The following DPP10 variants were observed in gnomAD, a reference collection of about 807,000 sequenced individuals.
The protein encoded by DPP10 is inactive dipeptidyl peptidase 10.
DPP10 carries 33 observed loss-of-function variants against 120.9 expected under a neutral mutation model. That is an observed-to-expected ratio of 0.27 (90% CI 0.21 to 0.37). The LOEUF is 0.37. Among genes scored for constraint, DPP10 ranks in the 10% least tolerant of loss-of-function variants. The probability of loss-of-function intolerance (pLI) is 1.00; values close to 1 mark genes in which losing one functional copy is unlikely to be tolerated. For synonymous variants in DPP10, 337 were observed against 326.1 expected (o/e 1.03, Z -0.36); for missense variants, 816 against 942.8 (o/e 0.87, Z 1.76).
At chr2:114,724,042 G>A (rs1352165799) in intron 1 of DPP10, among the ~76,000 whole-genome samples, 1 of 152,158 alleles carries the variant, frequency 6.6e-6, no homozygotes. Flanking sequence ...TTTTTAAATG[G>A]GTTGATGGAT....
intron 1 of DPP10, among the ~76,000 whole-genome samples, chr2:114,792,990 T>TTGTGTGTGTGTGTGTGTGTG (rs55780807): frequency 2.1e-5 from 3 of 143,642 alleles, no homozygotes; most frequent in African/African-American, 7.9e-5. Context: ...AACTGTATTA[T>TTGTGTGTGTGTGTGTGTGTG]TGTGTGTGTG....
At chr2:115,561,510 A>G (rs2080673291) in intron 5 of DPP10, among the ~76,000 whole-genome samples, 1 of 152,294 alleles carries the variant, frequency 6.6e-6, no homozygotes, top group African/African-American at 2.4e-5. Context: ...GAAAACATAC[A>G]AAATTAAATG....
chr2:114,889,373 A>C (rs1275461366), intron 1 of DPP10, among the ~76,000 whole-genome samples: 1 of 152,068 alleles, frequency 6.6e-6, no homozygotes, highest in Non-Finnish European at 1.5e-5. Flanking sequence ...TGTGACTCTA[A>C]ACAAATTTTG....
At chr2:114,846,837 G>A (rs1437166075) in intron 1 of DPP10, among the ~76,000 whole-genome samples, 1 of 152,098 alleles carries the variant, frequency 6.6e-6, no homozygotes, top group East Asian at 1.9e-4. Context: ...TGCTTCATTG[G>A]GGTCCAGAAG....
At chr2:115,371,285 T>C (rs1421094704) in intron 3 of DPP10, among the ~76,000 whole-genome samples, 1 of 152,172 alleles carries the variant, frequency 6.6e-6, no homozygotes, top group African/African-American at 2.4e-5. Flanking sequence ...AAATTGCTCC[T>C]TTTTCTGCAA....
At chr2:114,965,984 A>AG (rs1699002540) in intron 1 of DPP10, among the ~76,000 whole-genome samples, 1 of 144,754 alleles carries the variant, frequency 6.9e-6, no homozygotes, top group Non-Finnish European at 1.5e-5. Context: ...AAAAAAAAAA[A>AG]AAAGAAAAAA....
intron 1 of DPP10, among the ~76,000 whole-genome samples, chr2:114,829,965 C>G (rs1020140089): frequency 1.3e-5 from 2 of 151,982 alleles, no homozygotes; most frequent in African/African-American, 4.8e-5. Context: ...TGTCTTGAAC[C>G]CACCCATTTT....
intron 1 of DPP10, among the ~76,000 whole-genome samples, chr2:114,898,726 A>G (rs1318464495): frequency 6.6e-6 from 1 of 152,192 alleles, no homozygotes; most frequent in Non-Finnish European, 1.5e-5. Flanking sequence ...ACTTTTCAAT[A>G]GCTGATTTCA....
chr2:114,495,365 T>A (rs1044368430), intron 1 of DPP10, among the ~76,000 whole-genome samples: 1 of 152,222 alleles, frequency 6.6e-6, no homozygotes, highest in African/African-American at 2.4e-5. Flanking sequence ...CCCATCCCAG[T>A]TGACTAAAGT....
At chr2:114,950,358 G>T (rs983674750) in intron 1 of DPP10, among the ~76,000 whole-genome samples, 1 of 144,688 alleles carries the variant, frequency 6.9e-6, no homozygotes, top group African/African-American at 2.6e-5. Context: ...GCAGTGGCGC[G>T]ATCTTGGCTC....
intron 1 of DPP10, among the ~76,000 whole-genome samples, chr2:114,662,093 G>A (rs1697454836): frequency 6.6e-6 from 1 of 152,002 alleles, no homozygotes; most frequent in African/African-American, 2.4e-5. Context: ...TCTGTTCCTA[G>A]CAGGGCTGGA....
chr2:115,193,993 A>C (rs2055069430), intron 1 of DPP10, among the ~76,000 whole-genome samples: 1 of 152,158 alleles, frequency 6.6e-6, no homozygotes, highest in African/African-American at 2.4e-5. Context: ...GTGAATTATC[A>C]GTGGTTAATG....
rs2053917108 is a variant in DPP10 at position 115,179,294 on chromosome 2, C to G, written c.61-129945C>G. 2.0e-5 allele frequency among the ~76,000 whole-genome samples: 3 copies of G among 151,828 alleles called. 1 individual carries two copies. Among genetic ancestry groups the G allele is most frequent in the African/African-American group, 7.3e-5 (3 of 41,314 alleles). On this transcript the variant is annotated intron_variant, in intron 1 of 25. Transcript: ENST00000410059. Reference sequence around the variant, plus strand: ...TTTTATAATAAGAAAGATTATATTCCTGGATGTTTGAATGACACTGTGAAG... The same window carrying G: ...TTTTATAATAAGAAAGATTATATTCGTGGATGTTTGAATGACACTGTGAAG...
chr2:114,462,128 C>T (rs1678970023), intron 1 of DPP10: 1 of 985,180 alleles, frequency 1.0e-6, no homozygotes, highest in Non-Finnish European at 1.2e-6. Context: ...GAAACATTAT[C>T]CCGTAACACC....
At chr2:115,516,690 G>A (rs903696447) in intron 4 of DPP10, among the ~76,000 whole-genome samples, 2 of 150,790 alleles carry the variant, frequency 1.3e-5, no homozygotes, top group African/African-American at 4.9e-5. Flanking sequence ...TAAAATTAGA[G>A]GATGGAGATA....
intron 1 of DPP10, among the ~76,000 whole-genome samples, chr2:114,545,125 C>T (rs908018065): frequency 6.6e-6 from 1 of 152,104 alleles, no homozygotes; most frequent in Non-Finnish European, 1.5e-5. Context: ...GCTGAGATTA[C>T]AGGTGTGAGC....
At chr2:115,697,829 C>T (rs2091676608) in intron 7 of DPP10, among the ~76,000 whole-genome samples, 1 of 151,856 alleles carries the variant, frequency 6.6e-6, no homozygotes, top group African/African-American at 2.4e-5. Context: ...ACTAAAAATA[C>T]AAAAAATTAG....
At position 114,713,065 on chromosome 2, in the gene DPP10, C is replaced by A. The variant is rs376125430; in HGVS notation, c.60+270227C>A. ...GCAATGGTGTGATCTCAGCTCACTGCAACCTCTGCCTCCTGGGTTCAAGCG... is the reference window on the plus strand; with the variant it reads ...GCAATGGTGTGATCTCAGCTCACTGAAACCTCTGCCTCCTGGGTTCAAGCG... On this transcript the variant is annotated intron_variant, in intron 1 of 25. Transcript: ENST00000410059. Among the ~76,000 whole-genome samples the A allele has an allele frequency of 6.0e-5, 9 of 149,086 alleles. No individual in the cohort carries two copies. The Admixed American group carries it at 6.2e-4, about 10-fold the overall frequency.
In DPP10 at chr2:114,553,576, GTTA is replaced by G. The variant is rs375454829; in HGVS notation, c.60+110741_60+110743del. ...GCGAGTGGTTTTTCAGTAGTTTTCT[GTTA>G]TTTTATGAGAGATGAGTTAAAGTGA... On this transcript the variant is annotated intron_variant, in intron 1 of 25. Transcript: ENST00000410059. 3.6e-4 allele frequency among the ~76,000 whole-genome samples: 55 copies of G among 152,290 alleles called. No homozygotes were observed. The East Asian group carries it at 0.01, about 28-fold the overall frequency.
Sources: gnomAD v4.1 joint callset for allele counts (sites outside exome capture counted in the v4.1 genomes callset) on GRCh38, gnomAD v4.1.1 for gene constraint, MANE v1.5 for transcripts, NCBI Gene and HGNC (gene_info 2026-07-23, HGNC 2026-07-21) for gene names.